Variants in BCAS3 observed in about 807,000 individuals in gnomAD.
The protein encoded by BCAS3 is BCAS4/BCAS3 fusion.
Under a neutral mutation model 116.1 loss-of-function variants are expected in BCAS3, and 53 were observed. The observed-to-expected ratio is 0.46, with a 90% confidence interval of 0.37 to 0.57. The LOEUF (loss-of-function observed/expected upper bound fraction) is 0.57. Ranked by LOEUF, BCAS3 falls within the 20% of genes least tolerant of loss-of-function variation. BCAS3 has a pLI of 0.00. For synonymous variants in BCAS3, 391 were observed against 408.2 expected, an observed-to-expected ratio of 0.96 and a Z score of 0.51; for missense variants, 917 against 1,165.4, an observed-to-expected ratio of 0.79 and a Z score of 3.10.
At chr17:61,093,466 T>C (rs2073761404) in intron 22 of BCAS3, among the ~76,000 whole-genome samples, 1 of 152,078 alleles carries the variant, frequency 6.6e-6, no homozygotes. Flanking sequence ...GCACAACTGT[T>C]GTCCCAGCTA....
intron 7 of BCAS3, chr17:60,810,437 T>C (rs968569913): frequency 3.4e-6 from 2 of 584,958 alleles, no homozygotes; most frequent in African/African-American, 3.8e-5. Context: ...GACGATTGCC[T>C]GGCCTCCTGC....
At chr17:61,374,959 C>CT (rs1426715579) in intron 23 of BCAS3, among the ~76,000 whole-genome samples, 1 of 152,230 alleles carries the variant, frequency 6.6e-6, no homozygotes, top group Non-Finnish European at 1.5e-5. Context: ...CCTAAATCCT[C>CT]TGAGTTTTCC....
chr17:61,080,189 G>A (rs1378009411), intron 21 of BCAS3, among the ~76,000 whole-genome samples: 3 of 152,036 alleles, frequency 2.0e-5, no homozygotes, highest in Admixed American at 1.3e-4. Flanking sequence ...ACAGGCGTGA[G>A]CCACTGCACC....
intron 22 of BCAS3, among the ~76,000 whole-genome samples, chr17:61,284,293 A>G (rs1445869818): frequency 6.6e-6 from 1 of 151,634 alleles, no homozygotes; most frequent in Non-Finnish European, 1.5e-5. Flanking sequence ...TTGTTCTTTC[A>G]CTCTTCACAA....
At chr17:60,708,226 G>C (rs1054316233) in intron 4 of BCAS3, among the ~76,000 whole-genome samples, 1 of 151,658 alleles carries the variant, frequency 6.6e-6, no homozygotes, top group Non-Finnish European at 1.5e-5. Context: ...TTGGGAGGCT[G>C]AGGTGGGAGG....
At chr17:60,938,032 C>A (rs1258833780) in intron 13 of BCAS3, among the ~76,000 whole-genome samples, 1 of 151,006 alleles carries the variant, frequency 6.6e-6, no homozygotes, top group Non-Finnish European at 1.5e-5. Context: ...TTTTTTGAGA[C>A]GGAGCTGGAG....
At position 61,063,907 on chromosome 17, in the gene BCAS3, T is replaced by A. The variant is rs951846029; in HGVS notation, c.2030-11013T>A. Among the ~76,000 whole-genome samples the A allele has an allele frequency of 4.6e-5, 7 of 152,190 alleles. No individual in the cohort carries two copies. Among genetic ancestry groups the A allele is most frequent in the African/African-American group, 1.7e-4 (7 of 41,438 alleles). ...TCTTGTCCCTTCTTAAAACGAACTA[T>A]CCATTTGTAAACTGCTGATTTCTCT... On this transcript the variant is annotated intron_variant, in intron 19 of 23. Transcript: ENST00000407086. This position sits in a 1 kb window ranked among gnomAD's most constrained non-coding sequence, Gnocchi z 5.3.
chr17:61,372,883 G>A (rs2059120630), intron 23 of BCAS3, among the ~76,000 whole-genome samples: 1 of 151,910 alleles, frequency 6.6e-6, no homozygotes, highest in South Asian at 2.1e-4. Flanking sequence ...TATTCCAACT[G>A]TTTTGTGTCT....
chr17:61,373,649 T>C (rs1481515576), intron 23 of BCAS3, among the ~76,000 whole-genome samples: 1 of 147,368 alleles, frequency 6.8e-6, no homozygotes, highest in African/African-American at 2.5e-5. Context: ...GGTTTCACCA[T>C]GTTGGCCAGG....
In BCAS3 at chr17:61,021,125, C is replaced by T. The variant is rs958488527; in HGVS notation, c.1637+5224C>T. Among the ~76,000 whole-genome samples, 2 of 151,964 alleles carry T rather than the reference C, an allele frequency of 1.3e-5. No individual in the cohort carries two copies. The highest frequency in any genetic ancestry group is 2.4e-5 in the African/African-American group (1 of 41,358). On this transcript the variant is annotated intron_variant, in intron 16 of 23. Transcript: ENST00000407086. The surrounding 1 kb of genome is among the most constrained non-coding windows in gnomAD (Gnocchi z 4.6). ...GCTGGAGTGCAGTGGTGTGTGATCT[C>T]CACCCACTGCAACCTCTGCTCTTGG...
At position 61,162,225 on chromosome 17, in the gene BCAS3, G is replaced by A. The variant is rs560928054; in HGVS notation, c.2425+77661G>A. ...GTGATTGCAATGTGTATGGAGCCAC[G>A]GTTCTTACAGGAGTGGGTATGGTTC... On this transcript the variant is annotated intron_variant, in intron 22 of 23. Transcript: ENST00000407086. This position sits in a 1 kb window ranked among gnomAD's most constrained non-coding sequence, Gnocchi z 5.6. Among the ~76,000 whole-genome samples, 43 of 152,142 alleles carry A rather than the reference G, an allele frequency of 2.8e-4. No homozygotes were observed. Among genetic ancestry groups the A allele is most frequent in the Non-Finnish European group, 4.6e-4 (31 of 68,032 alleles).
At position 60,747,256 on chromosome 17, in the gene BCAS3, G is replaced by C. The variant is rs34431714; in HGVS notation, c.380G>C (p.Arg127Thr). ...SVRHGPIRAARILPAPQFGAQ... is the reference protein window; with the variant it reads ...SVRHGPIRAATILPAPQFGAQ... ...CGACATGGCCCAATTCGAGCGGCTA[G>C]AATCTTGCCTGCTCCACAGTTTGGT... Residue 127 changes from arginine (R) to threonine (T), a missense_variant, in exon 6 of 24, where the codon AGA becomes ACA. Physicochemically the swap from Arg to Thr is moderately conservative, Grantham distance 71. Around this residue, in one of 3 missense-constraint regions of BCAS3, gnomAD observed 807 missense variants for 1,026.0 expected, o/e 0.79. Transcript: ENST00000407086. 1 of 1,613,064 alleles carries C rather than the reference G, an allele frequency of 6.2e-7. No homozygotes were observed. The highest frequency in any genetic ancestry group is 1.1e-5 in the South Asian group (1 of 91,036).
At chr17:61,263,304 T>A (rs10853028) in intron 22 of BCAS3, among the ~76,000 whole-genome samples, 89,257 of 152,022 alleles carry the variant, frequency 0.59, 27,444 homozygotes, top group East Asian at 0.81. Context: ...ACCCAGACAG[T>A]GCTCTAGCTT....
intron 22 of BCAS3, among the ~76,000 whole-genome samples, chr17:61,184,196 T>C (rs1389450073): frequency 6.6e-6 from 1 of 152,190 alleles, no homozygotes; most frequent in Non-Finnish European, 1.5e-5. Context: ...TAATTCAGTG[T>C]TCATAGTGAC....
chr17:60,946,539 C>T lies in BCAS3; in HGVS notation c.1088-680C>T, dbSNP rs972370277. Among the ~76,000 whole-genome samples, 7 of 151,966 alleles carry T rather than the reference C, an allele frequency of 4.6e-5. 1 individual carries two copies. Among genetic ancestry groups the T allele is most frequent in the African/African-American group, 1.5e-4 (6 of 41,364 alleles). ...AGTTGGATCAGTAGATAAATTGGAG[C>T]GTAGAATTAAAGCTTGAAGAAATTG... On this transcript the variant is annotated intron_variant, in intron 13 of 23. Coordinates refer to ENST00000407086, the MANE Select transcript of BCAS3 (RefSeq NM_017679.5).
At chr17:60,974,064 A>G (rs1163978555) in intron 14 of BCAS3, among the ~76,000 whole-genome samples, 1 of 152,194 alleles carries the variant, frequency 6.6e-6, no homozygotes, top group Non-Finnish European at 1.5e-5. Flanking sequence ...ATAACTGCTG[A>G]ATCATAATTC....
At chr17:60,678,092 T>G in intron 1 of BCAS3, among the ~76,000 whole-genome samples, 178 bp downstream of exon 1, 1 of 151,810 alleles carries the variant, frequency 6.6e-6, no homozygotes, top group Non-Finnish European at 1.5e-5. Context: ...TGGCTCCGTG[T>G]TGGAGGTTAA....
chr17:60,747,090 A>G, intron 5 of BCAS3, 108 bp from the exon 6 acceptor site: 6 of 704,202 alleles, frequency 8.5e-6, no homozygotes, highest in Admixed American at 2.2e-5. Flanking sequence ...GTATGTATAT[A>G]TATTTCAGAC....
chr17:61,316,133 C>G lies in BCAS3; in HGVS notation c.2426-52194C>G, dbSNP rs1029219624. 1.3e-5 allele frequency among the ~76,000 whole-genome samples: 2 copies of G among 151,956 alleles called. No individual in the cohort carries two copies. Among genetic ancestry groups the G allele is most frequent in the Non-Finnish European group, 1.5e-5 (1 of 67,980 alleles). On this transcript the variant is annotated intron_variant, in intron 22 of 23. Coordinates refer to ENST00000407086, the MANE Select transcript of BCAS3 (RefSeq NM_017679.5). This position sits in a 1 kb window ranked among gnomAD's most constrained non-coding sequence, Gnocchi z 5.8. ...CAGCCTGGCCAACATGGCGAAACCC[C>G]CATCTCTACTAAAAATTACAAAATT...
Sources: allele counts gnomAD v4.1 joint callset (sites outside exome capture counted in the v4.1 genomes callset), GRCh38; gene constraint gnomAD v4.1.1; regional missense constraint gnomAD v4.1.1; non-coding constraint Gnocchi (gnomAD v3.1); transcripts MANE v1.5; gene names NCBI Gene and HGNC (gene_info 2026-07-23, HGNC 2026-07-21).